The following MARCHF1 variants were observed in gnomAD, a reference collection of about 807,000 sequenced individuals.
MARCHF1 encodes membrane associated ring-CH-type finger 1.
In MARCHF1, 40 loss-of-function variants were observed where a neutral mutation model predicts 54.2. The ratio of observed to expected loss-of-function variants is 0.74; its 90% CI spans 0.57 to 0.96. The LOEUF is 0.96. Ranked by LOEUF, MARCHF1 falls within the 40% of genes least tolerant of loss-of-function variation. MARCHF1 has a pLI of 0.00. For missense variants in MARCHF1, 586 were observed against 656.5 expected (o/e 0.89, Z 1.17); for synonymous variants, 236 against 236.3 (o/e 1.00, Z 0.01).
At chr4:164,016,557 A>G (rs928098177) in intron 2 of MARCHF1, among the ~76,000 whole-genome samples, 2 of 152,220 alleles carry the variant, frequency 1.3e-5, no homozygotes, top group Non-Finnish European at 2.9e-5. Flanking sequence ...TAAGCCAGGA[A>G]GAGAAAGACA....
chr4:163,940,421 G>A lies in MARCHF1; in HGVS notation c.-39+48080C>T, dbSNP rs79260255. Among the ~76,000 whole-genome samples the A allele has an allele frequency of 9.2e-3, 1,404 of 152,170 alleles. 22 individuals carry two copies. Among genetic ancestry groups the A allele is most frequent in the African/African-American group, 0.031 (1,292 of 41,542 alleles). ...TAAATATCTATAAATATGCCAAAAA[G>A]AGGCAGAAGATATACCTGCTTATAC... On this transcript the variant is annotated intron_variant, in intron 3 of 9. Transcript: ENST00000514618.
At chr4:164,220,633 T>C (rs1732076483) in intron 1 of MARCHF1, among the ~76,000 whole-genome samples, 1 of 146,052 alleles carries the variant, frequency 6.8e-6, no homozygotes, top group Non-Finnish European at 1.5e-5. Flanking sequence ...ATATGTAATA[T>C]ATATGCTATA....
chr4:163,949,167 GT>G (rs1303117334), intron 3 of MARCHF1, among the ~76,000 whole-genome samples: 2 of 152,356 alleles, frequency 1.3e-5, no homozygotes, highest in East Asian at 3.9e-4. Flanking sequence ...GGGTATGTGA[GT>G]GAGTGAGCAT....
intron 1 of MARCHF1, among the ~76,000 whole-genome samples, chr4:164,182,276 T>A (rs1730851718): frequency 6.6e-6 from 1 of 150,816 alleles, no homozygotes; most frequent in East Asian, 1.9e-4. Flanking sequence ...TAGAAAAGAT[T>A]TAAAAATATA....
chr4:163,922,654 A>G (rs555809155), intron 3 of MARCHF1, among the ~76,000 whole-genome samples: 3 of 152,316 alleles, frequency 2.0e-5, no homozygotes, highest in African/African-American at 7.2e-5. Flanking sequence ...TTTGAATTTC[A>G]AATGTGTCTA....
chr4:163,649,076 A>AT (rs553507301), intron 5 of MARCHF1, among the ~76,000 whole-genome samples: 13 of 151,930 alleles, frequency 8.6e-5, no homozygotes, highest in African/African-American at 1.7e-4. Context: ...TATGTGATTT[A>AT]TTTTTTTTCT....
intron 1 of MARCHF1, among the ~76,000 whole-genome samples, chr4:164,356,366 C>G (rs1219359331): frequency 7.1e-6 from 1 of 141,588 alleles, no homozygotes; most frequent in Non-Finnish European, 1.6e-5. Context: ...GGAACCAACC[C>G]AAATGTCCAA....
At chr4:164,023,612 A>G (rs938247966) in intron 2 of MARCHF1, among the ~76,000 whole-genome samples, 1 of 152,214 alleles carries the variant, frequency 6.6e-6, no homozygotes, top group Non-Finnish European at 1.5e-5. Flanking sequence ...CAATACAGTT[A>G]AAAAGAACAC....
intron 1 of MARCHF1, among the ~76,000 whole-genome samples, chr4:164,219,673 G>C (rs1464402469): frequency 6.6e-6 from 1 of 151,844 alleles, no homozygotes; most frequent in Admixed American, 6.6e-5. Flanking sequence ...TGTCAAGCCT[G>C]GAAGGGAGCG....
intron 1 of MARCHF1, among the ~76,000 whole-genome samples, chr4:164,308,667 T>G (rs1316510322): frequency 6.6e-6 from 1 of 152,004 alleles, no homozygotes; most frequent in Non-Finnish European, 1.5e-5. Flanking sequence ...TGAAAACCTC[T>G]TAAAATAATC....
At chr4:163,943,977 GT>G (rs1007142875) in intron 3 of MARCHF1, among the ~76,000 whole-genome samples, 16 of 150,528 alleles carry the variant, frequency 1.1e-4, no homozygotes, top group Non-Finnish European at 1.6e-4. Context: ...TTTTTGTTTT[GT>G]TTTTTTTGAG....
At chr4:163,976,860 C>A (rs1437555225) in intron 3 of MARCHF1, among the ~76,000 whole-genome samples, 1 of 152,138 alleles carries the variant, frequency 6.6e-6, no homozygotes, top group Non-Finnish European at 1.5e-5. Context: ...GCATTTCAGT[C>A]ACCAGTCACC....
At chr4:164,172,170 G>A (rs1730543386) in intron 1 of MARCHF1, among the ~76,000 whole-genome samples, 1 of 152,120 alleles carries the variant, frequency 6.6e-6, no homozygotes, top group African/African-American at 2.4e-5. Flanking sequence ...CATCATCTAT[G>A]TGACTTCATT....
chr4:163,823,671 C>T (rs1031089652), intron 4 of MARCHF1, among the ~76,000 whole-genome samples: 1 of 151,490 alleles, frequency 6.6e-6, no homozygotes, highest in African/African-American at 2.4e-5. Flanking sequence ...CCTGGTTCAC[C>T]CATTTTATCA....
intron 1 of MARCHF1, among the ~76,000 whole-genome samples, chr4:164,305,730 A>G (rs536243539): frequency 6.6e-6 from 1 of 152,300 alleles, no homozygotes; most frequent in Non-Finnish European, 1.5e-5. Flanking sequence ...AGTAACACAC[A>G]GTATTTTCAA....
chr4:164,358,532 T>C (rs1412890006), intron 1 of MARCHF1, among the ~76,000 whole-genome samples: 1 of 152,134 alleles, frequency 6.6e-6, no homozygotes, highest in East Asian at 1.9e-4. Flanking sequence ...CAGAAATAAA[T>C]GACATTTTCA....
At chr4:163,664,602 A>T (rs1743466032) in intron 5 of MARCHF1, among the ~76,000 whole-genome samples, 2 of 152,078 alleles carry the variant, frequency 1.3e-5, no homozygotes, top group Admixed American at 1.3e-4. Flanking sequence ...GAATCTAAAA[A>T]TCATGTTTTA....
intron 1 of MARCHF1, among the ~76,000 whole-genome samples, chr4:164,178,737 A>G (rs1014738204): frequency 6.6e-6 from 1 of 152,168 alleles, no homozygotes; most frequent in Non-Finnish European, 1.5e-5. Context: ...TCTAATAATA[A>G]TAAAATTTTG....
At chr4:163,921,662 A>G (rs1751433338) in intron 3 of MARCHF1, among the ~76,000 whole-genome samples, 1 of 152,158 alleles carries the variant, frequency 6.6e-6, no homozygotes, top group African/African-American at 2.4e-5. Flanking sequence ...TAAAATGGCT[A>G]TGATAAAGGT....
Sources: allele counts gnomAD v4.1 joint callset (sites outside exome capture counted in the v4.1 genomes callset), GRCh38; gene constraint gnomAD v4.1.1; transcripts MANE v1.5; gene names NCBI Gene and HGNC (gene_info 2026-07-23, HGNC 2026-07-21).